Variants in CEMIP observed in about 807,000 individuals in gnomAD.
CEMIP encodes the protein cell migration-inducing and hyaluronan-binding protein.
Under a neutral mutation model 156.9 loss-of-function variants are expected in CEMIP, and 105 were observed. The ratio of observed to expected loss-of-function variants is 0.67; its 90% CI spans 0.57 to 0.79. The LOEUF (loss-of-function observed/expected upper bound fraction) is 0.79, where lower values mean the gene tolerates loss of function less well. Among genes scored for constraint, CEMIP ranks in the 30% least tolerant of loss-of-function variants. The probability of loss-of-function intolerance (pLI) is 0.00; values close to 1 mark genes in which losing one functional copy is unlikely to be tolerated. For synonymous variants in CEMIP, 676 were observed against 668.4 expected (o/e 1.01, Z -0.17); for missense variants, 1,457 against 1,769.4 (o/e 0.82, Z 3.17).
rs116094741 is a variant in CEMIP at position 80,942,082 on chromosome 15, C to T, written c.3612+29C>T. The T allele has an allele frequency of 1.3e-3, 2,062 of 1,599,822 alleles. 29 individuals are homozygous for T. In the African/African-American group the frequency reaches 0.025, roughly 19 times the overall value. On this transcript the variant is annotated intron_variant, in intron 26 of 29. Transcript: ENST00000394685. Reference sequence around the variant, plus strand: ...AGTGGCTGAGAGCAAAGCCTAGACCCCTTTGCCGTCCAGTCGGGCCTAGAG... The same window carrying T: ...AGTGGCTGAGAGCAAAGCCTAGACCTCTTTGCCGTCCAGTCGGGCCTAGAG...
intron 14 of CEMIP, among the ~76,000 whole-genome samples, chr15:80,918,953 T>C (rs1900371599): frequency 6.6e-6 from 1 of 152,108 alleles, no homozygotes; most frequent in Non-Finnish European, 1.5e-5. Context: ...TCCTTCATTT[T>C]TGCGGTGGAA....
At chr15:80,866,961 T>G (rs1898146130) in intron 1 of CEMIP, among the ~76,000 whole-genome samples, 1 of 152,004 alleles carries the variant, frequency 6.6e-6, no homozygotes, top group African/African-American at 2.4e-5. Context: ...GAAGATGACA[T>G]GTGTCCCATA....
At position 80,948,951 on chromosome 15, in the gene CEMIP, G is replaced by A. The variant is rs1463267016; in HGVS notation, c.*27G>A. ...GACAGCTGCCGCCCGGTGCCACCTCGTGGTAGACTATGACGGTGACTCTTG... is the reference window on the plus strand; with the variant it reads ...GACAGCTGCCGCCCGGTGCCACCTCATGGTAGACTATGACGGTGACTCTTG... On this transcript the variant is annotated 3_prime_UTR_variant, in exon 30 of 30. Transcript: ENST00000394685. 17 of 1,613,846 alleles carry A rather than the reference G, an allele frequency of 1.1e-5. No homozygotes were observed. Among genetic ancestry groups the A allele is most frequent in the Middle Eastern group, 1.6e-4 (1 of 6,080 alleles).
intron 1 of CEMIP, among the ~76,000 whole-genome samples, chr15:80,836,023 T>C (rs932051156): frequency 6.7e-6 from 1 of 148,346 alleles, no homozygotes; most frequent in African/African-American, 2.5e-5. Context: ...GGTTTGCTCA[T>C]AAAAAAAAAG....
intron 14 of CEMIP, among the ~76,000 whole-genome samples, chr15:80,910,410 G>A (rs1007044874): frequency 2.0e-5 from 3 of 152,314 alleles, no homozygotes; most frequent in East Asian, 1.9e-4. Context: ...GGTCCCTGTG[G>A]GCATTTGAGT....
intron 1 of CEMIP, among the ~76,000 whole-genome samples, chr15:80,782,079 G>A (rs972070093): frequency 3.9e-5 from 6 of 152,070 alleles, no homozygotes; most frequent in East Asian, 3.9e-4. Flanking sequence ...GATAAAAATC[G>A]GTCAACTGTT....
At chr15:80,825,358 T>C (rs1349771073) in intron 1 of CEMIP, among the ~76,000 whole-genome samples, 1 of 152,208 alleles carries the variant, frequency 6.6e-6, no homozygotes, top group African/African-American at 2.4e-5. Context: ...TTAAATGATG[T>C]GTCAAGAAAA....
intron 1 of CEMIP, among the ~76,000 whole-genome samples, chr15:80,814,290 C>T (rs1896740573): frequency 6.6e-6 from 1 of 151,990 alleles, no homozygotes. Flanking sequence ...ACCTCGTGAT[C>T]CACCCGCCTT....
At position 80,919,659 on chromosome 15, in the gene CEMIP, C is replaced by T. The variant is rs568554945; in HGVS notation, c.1798-435C>T. Among the ~76,000 whole-genome samples the T allele has an allele frequency of 3.9e-5, 6 of 152,236 alleles. No homozygotes were observed. The South Asian group carries it at 1.2e-3, about 32-fold the overall frequency. ...AAACCCAGTCTCTACTGAAAACACGCAGAAAATTAGCTGGGTGTGGGGGCG... is the reference window on the plus strand; with the variant it reads ...AAACCCAGTCTCTACTGAAAACACGTAGAAAATTAGCTGGGTGTGGGGGCG... On this transcript the variant is annotated intron_variant, in intron 14 of 29. Coordinates refer to ENST00000394685, the MANE Select transcript of CEMIP (RefSeq NM_001293298.2).
chr15:80,892,845 A>G (rs1899077400), intron 10 of CEMIP, among the ~76,000 whole-genome samples: 1 of 152,234 alleles, frequency 6.6e-6, no homozygotes, highest in Non-Finnish European at 1.5e-5. Context: ...GATTCAGTGC[A>G]ATGAAGTGTG....
intron 1 of CEMIP, among the ~76,000 whole-genome samples, chr15:80,855,126 G>A (rs1897819463): frequency 6.6e-6 from 1 of 152,216 alleles, no homozygotes; most frequent in Non-Finnish European, 1.5e-5. Context: ...GTTTGAGGCT[G>A]CAGTGAGATG....
At chr15:80,875,740 G>C (rs1029852721) in intron 3 of CEMIP, among the ~76,000 whole-genome samples, 1 of 152,196 alleles carries the variant, frequency 6.6e-6, no homozygotes, top group Non-Finnish European at 1.5e-5. Context: ...GGGAAAGTGA[G>C]GGTGGTTTCC....
In CEMIP at chr15:80,924,176, A is replaced by G. The variant is rs183134818; in HGVS notation, c.2203-445A>G. ...TCAAGACAGGCAGGAGCTAAAATGA[A>G]ACTGTGGGAAGGTCACTGACCCCAG... On this transcript the variant is annotated intron_variant, in intron 17 of 29. Coordinates refer to ENST00000394685, the MANE Select transcript of CEMIP (RefSeq NM_001293298.2). Among the ~76,000 whole-genome samples the G allele has an allele frequency of 1.1e-3, 171 of 152,350 alleles. 2 individuals carry two copies. The highest frequency in any genetic ancestry group is 4.0e-3 in the African/African-American group (165 of 41,576).
chr15:80,942,080 C>T (rs1420735628), intron 26 of CEMIP, 27 bp downstream of exon 26: 1 of 1,605,574 alleles, frequency 6.2e-7, no homozygotes, highest in Non-Finnish European at 8.5e-7. Context: ...AAAGCCTAGA[C>T]CCCTTTGCCG....
rs146646206 is a variant in CEMIP, at chr15:80,832,117, C to T, written c.-175-41421C>T. On this transcript the variant is annotated intron_variant, in intron 1 of 29. Transcript: ENST00000394685. ...CCTGGCATACACCATGCAGGAAGCACCCTTCCAAGTCGGCTGGCCTGCTTT... is the reference window on the plus strand; with the variant it reads ...CCTGGCATACACCATGCAGGAAGCATCCTTCCAAGTCGGCTGGCCTGCTTT... Among the ~76,000 whole-genome samples the T allele has an allele frequency of 1.4e-3, 219 of 152,314 alleles. 1 individual carries two copies. The highest frequency in any genetic ancestry group is 4.9e-3 in the African/African-American group (205 of 41,558).
At chr15:80,785,785 G>A (rs1285421825) in intron 1 of CEMIP, among the ~76,000 whole-genome samples, 2 of 152,174 alleles carry the variant, frequency 1.3e-5, no homozygotes, top group Non-Finnish European at 2.9e-5. Context: ...CCTTTCAGAT[G>A]CATGAAGTTT....
intron 1 of CEMIP, among the ~76,000 whole-genome samples, chr15:80,803,767 C>T (rs1166615532): frequency 6.6e-6 from 1 of 152,204 alleles, no homozygotes; most frequent in Non-Finnish European, 1.5e-5. Flanking sequence ...CTGTCTTGGG[C>T]TCCAGACCCA....
rs561757330 is a variant in CEMIP at position 80,948,986 on chromosome 15, C to T, written c.*62C>T. The T allele has an allele frequency of 6.2e-6, 10 of 1,607,924 alleles. No individual in the cohort carries two copies. Among genetic ancestry groups the T allele is most frequent in the Admixed American group, 3.3e-5 (2 of 60,012 alleles). ...ATGACGGTGACTCTTGGCAGCAGAC[C>T]AGTGGGGGATGGCTGGGTCCCCCAG... is the stretch of plus-strand genomic sequence containing the variant. On this transcript the variant is annotated 3_prime_UTR_variant, in exon 30 of 30. Transcript: ENST00000394685.
At chr15:80,783,633 A>G (rs1361253208) in intron 1 of CEMIP, among the ~76,000 whole-genome samples, 3 of 152,356 alleles carry the variant, frequency 2.0e-5, no homozygotes, top group Admixed American at 6.5e-5. Flanking sequence ...AAAGTCTGGC[A>G]TGTAGAAACT....
Sources: gnomAD v4.1 joint callset for allele counts (sites outside exome capture counted in the v4.1 genomes callset) on GRCh38, gnomAD v4.1.1 for gene constraint, MANE v1.5 for transcripts, NCBI Gene and HGNC (gene_info 2026-07-23, HGNC 2026-07-21) for gene names.